Variants in MTUS2 observed in about 807,000 individuals in gnomAD.
MTUS2 encodes microtubule associated scaffold protein 2.
Under a neutral mutation model 114.1 loss-of-function variants are expected in MTUS2, and 40 were observed. The ratio of observed to expected loss-of-function variants is 0.35; its 90% confidence interval spans 0.27 to 0.46. The LOEUF (loss-of-function observed/expected upper bound fraction) is 0.46. Ranked by LOEUF, MTUS2 falls within the 20% of genes least tolerant of loss-of-function variation. The pLI is 1.00. For missense variants in MTUS2, 1,679 were observed against 1,705.4 expected (o/e 0.98, Z 0.27); for synonymous variants, 688 against 672.0 (o/e 1.02, Z -0.37).
At position 29,389,412 on chromosome 13, in the gene MTUS2, T is replaced by TGTGTGTATGTATACAC. The variant is rs1566172906; in HGVS notation, c.3117+29945_3117+29946insATGTATACACGTGTGT. ...ACGTGTGTGTATATATGTATACACG[T>TGTGTGTATGTATACAC]GTGTGTGTATGTATACACGTGTGTG... is the stretch of plus-strand genomic sequence containing the variant. On this transcript the variant is annotated intron_variant, in intron 8 of 15. Coordinates refer to ENST00000612955, the MANE Select transcript of MTUS2 (RefSeq NM_001033602.4). 4.0e-3 allele frequency among the ~76,000 whole-genome samples: 274 copies of TGTGTGTATGTATACAC among 69,088 alleles called. 25 individuals are homozygous for TGTGTGTATGTATACAC. The highest frequency in any genetic ancestry group is 9.4e-3 in the African/African-American group (127 of 13,554). 45.3% of individuals were successfully genotyped at this position (69,088 alleles called of 152,430 possible). A position where few individuals can be genotyped will look rare whatever the true frequency, so the allele number is the denominator to read the frequency against.
intron 4 of MTUS2, among the ~76,000 whole-genome samples, chr13:29,064,490 G>A (rs952940458): frequency 2.4e-4 from 36 of 150,846 alleles, no homozygotes; most frequent in Admixed American, 8.6e-4. Context: ...AGTTCTGAGC[G>A]GCACTGTGGA....
intron 4 of MTUS2, 70 bp downstream of exon 4, chr13:29,034,195 A>C: frequency 2.5e-6 from 4 of 1,590,192 alleles, no homozygotes; most frequent in Non-Finnish European, 3.4e-6. Context: ...GATGGTGATA[A>C]TTGTCTAAAA....
At chr13:29,112,009 A>G (rs1303105550) in intron 5 of MTUS2, among the ~76,000 whole-genome samples, 2 of 152,188 alleles carry the variant, frequency 1.3e-5, no homozygotes, top group Admixed American at 6.5e-5. Flanking sequence ...CTATAACTAC[A>G]TCCAGCAGAC....
chr13:28,986,481 G>C (rs1884591576), intron 2 of MTUS2, among the ~76,000 whole-genome samples: 1 of 152,166 alleles, frequency 6.6e-6, no homozygotes, highest in African/African-American at 2.4e-5. Flanking sequence ...CAGTGTCCTG[G>C]AGACTGTGGC....
chr13:29,499,193 G>C (rs914360), intron 14 of MTUS2, among the ~76,000 whole-genome samples: 149,524 of 152,238 alleles, frequency 0.98, 73,488 homozygotes, highest in East Asian at 1. Context: ...TCCTAGCTCT[G>C]ACCCACACTC....
Position 29,389,341 on chromosome 13 carries a change from G to GTATGTATA in MTUS2, c.3117+29868_3117+29869insTATGTATA, listed in dbSNP as rs1566172446. 3.5e-4 allele frequency among the ~76,000 whole-genome samples: 28 copies of GTATGTATA among 80,012 alleles called. 4 individuals are homozygous for GTATGTATA. Among genetic ancestry groups the GTATGTATA allele is most frequent in the African/African-American group, 1.9e-3 (26 of 13,756 alleles). The allele number at this position is 80,012 out of a possible 152,430, so 52.5% of individuals were successfully genotyped here. ...TACACATATGTGTGTATATATGTATGCACGTGTGTGTATATATGTATGCAC... is the reference window on the plus strand; with the variant it reads ...TACACATATGTGTGTATATATGTATGTATGTATACACGTGTGTGTATATATGTATGCAC... On this transcript the variant is annotated intron_variant, in intron 8 of 15. Coordinates refer to ENST00000612955, the MANE Select transcript of MTUS2 (RefSeq NM_001033602.4).
At chr13:29,198,113 T>A (rs1388979515) in intron 5 of MTUS2, among the ~76,000 whole-genome samples, 2 of 152,244 alleles carry the variant, frequency 1.3e-5, no homozygotes, top group Non-Finnish European at 2.9e-5. Context: ...TTGCCATTGC[T>A]TTTGGTGTTT....
intron 1 of MTUS2, among the ~76,000 whole-genome samples, chr13:28,834,161 A>G (rs1874904051): frequency 6.6e-6 from 1 of 152,132 alleles, no homozygotes; most frequent in Admixed American, 6.5e-5. Context: ...TCCTCCCAAT[A>G]AATTGAAAAG....
chr13:29,478,618 AG>A (rs1385454922), intron 9 of MTUS2, among the ~76,000 whole-genome samples: 25 of 149,540 alleles, frequency 1.7e-4, no homozygotes, highest in African/African-American at 6.4e-4. Context: ...GCTAATCAAA[AG>A]CCAGGGTCTT....
chr13:29,146,493 A>G (rs184724712), intron 5 of MTUS2, among the ~76,000 whole-genome samples: 90 of 152,354 alleles, frequency 5.9e-4, no homozygotes, highest in African/African-American at 2.1e-3. Context: ...TGAACAATTC[A>G]TACTACAGAT....
intron 4 of MTUS2, among the ~76,000 whole-genome samples, chr13:29,094,712 C>A (rs938896039): frequency 2.0e-5 from 3 of 151,700 alleles, no homozygotes; most frequent in African/African-American, 7.3e-5. Context: ...TATTTCTTTT[C>A]TTCTTTTGGT....
At chr13:28,832,612 A>AT (rs1438129423) in intron 1 of MTUS2, among the ~76,000 whole-genome samples, 8 of 149,706 alleles carry the variant, frequency 5.3e-5, no homozygotes, top group Non-Finnish European at 1.0e-4. Flanking sequence ...GGCAAACTAA[A>AT]TAAGTATGCT....
chr13:29,322,304 A>G (rs893263697), intron 6 of MTUS2, among the ~76,000 whole-genome samples: 1 of 152,166 alleles, frequency 6.6e-6, no homozygotes, highest in Non-Finnish European at 1.5e-5. Context: ...GTTGATACCT[A>G]AAATCAAAGC....
intron 6 of MTUS2, among the ~76,000 whole-genome samples, chr13:29,285,458 G>C (rs184857271): frequency 6.6e-6 from 1 of 152,310 alleles, no homozygotes. Context: ...TCATCAGTAT[G>C]AGGAATCACC....
chr13:29,145,148 C>G (rs1281726938), intron 5 of MTUS2, among the ~76,000 whole-genome samples: 1 of 152,120 alleles, frequency 6.6e-6, no homozygotes, highest in Non-Finnish European at 1.5e-5. Context: ...TAACAAATTA[C>G]TATTGTAATT....
chr13:29,279,639 C>A (rs1339395867), intron 5 of MTUS2, among the ~76,000 whole-genome samples: 1 of 152,208 alleles, frequency 6.6e-6, no homozygotes, highest in African/African-American at 2.4e-5. Flanking sequence ...AGCTGTCTCC[C>A]ATAATAATAG....
At chr13:29,339,180 C>G (rs1317281556) in intron 7 of MTUS2, among the ~76,000 whole-genome samples, 1 of 152,054 alleles carries the variant, frequency 6.6e-6, no homozygotes, top group Non-Finnish European at 1.5e-5. Flanking sequence ...TCCTAGAGCT[C>G]CCAAGGTGGC....
chr13:29,143,652 C>G (rs888746272), intron 5 of MTUS2, among the ~76,000 whole-genome samples: 2 of 152,072 alleles, frequency 1.3e-5, no homozygotes, highest in East Asian at 3.8e-4. Flanking sequence ...GATGGGGTGC[C>G]TCAGGAATTG....
intron 4 of MTUS2, among the ~76,000 whole-genome samples, chr13:29,075,128 T>G (rs1006302782): frequency 3.3e-5 from 5 of 152,240 alleles, no homozygotes; most frequent in Non-Finnish European, 1.5e-5. Flanking sequence ...TATGTCTGGC[T>G]TCTTTCACTT....
Sources: allele counts gnomAD v4.1 joint callset (sites outside exome capture counted in the v4.1 genomes callset), GRCh38; gene constraint gnomAD v4.1.1; transcripts MANE v1.5; gene names NCBI Gene and HGNC (gene_info 2026-07-23, HGNC 2026-07-21).